DHX9: variants seen among roughly 807,000 people sequenced by gnomAD.
DHX9 encodes the protein ATP-dependent RNA helicase A.
DHX9 carries 27 observed loss-of-function variants against 148.7 expected under a neutral mutation model. The observed-to-expected ratio is 0.18, with a 90% CI of 0.13 to 0.25. DHX9 has a LOEUF of 0.25. DHX9 is among the 10% of genes least tolerant of loss of function. DHX9 has a pLI of 1.00. For synonymous variants in DHX9, 529 were observed against 516.6 expected (o/e 1.02, Z -0.33); for missense variants, 796 against 1,559.6 (o/e 0.51, Z 8.25).
chr1:182,870,264 A>G (rs1170690993), intron 14 of DHX9, among the ~76,000 whole-genome samples: 2 of 152,260 alleles, frequency 1.3e-5, no homozygotes, highest in Non-Finnish European at 2.9e-5. Context: ...TTTGAATGCA[A>G]TTCTAATTAA....
rs969290664 is a variant in DHX9 at position 182,881,265 on chromosome 1, G to A, written c.2626G>A (p.Val876Met). Residue 876 changes from valine to methionine, a missense_variant and splice_region_variant, in exon 23 of 28, where the codon GTG becomes ATG. Val to Met is a conservative substitution (Grantham distance 21). Around this residue, in one of 14 missense-constraint regions of DHX9, gnomAD observed 122 missense variants for 289.3 expected, o/e 0.42. Coordinates refer to ENST00000367549, the MANE Select transcript of DHX9 (RefSeq NM_001357.5). Reference protein sequence around the residue: ...KMMIMGCIFYVGDAICTIAAA... With the variant: ...KMMIMGCIFYMGDAICTIAAA... The stretch of plus-strand genomic sequence containing the variant: ...TTTAACTGTCTTTGTGTATTTCAGC[G>A]TGGGAGATGCTATCTGTACCATTGC... 9 of 1,611,606 alleles carry A rather than the reference G, an allele frequency of 5.6e-6. No individual in the cohort carries two copies. The highest frequency in any genetic ancestry group is 2.2e-5 in the East Asian group (1 of 44,874).
intron 6 of DHX9, among the ~76,000 whole-genome samples, chr1:182,855,112 C>T (rs1439108121): frequency 6.6e-6 from 1 of 152,198 alleles, no homozygotes; most frequent in Admixed American, 6.5e-5. Flanking sequence ...GTTCCCCCTT[C>T]CTCCCACTGT....
intron 20 of DHX9, among the ~76,000 whole-genome samples, chr1:182,878,638 C>T (rs911451778): frequency 2.6e-5 from 4 of 152,200 alleles, no homozygotes; most frequent in African/African-American, 9.7e-5. Context: ...TCAGATATCT[C>T]TTTTAAAACT....
At chr1:182,848,214 C>T (rs1438034764) in intron 3 of DHX9, among the ~76,000 whole-genome samples, 7 of 152,240 alleles carry the variant, frequency 4.6e-5, no homozygotes, top group African/African-American at 1.2e-4. Context: ...TTATTTTTCT[C>T]CGTAACACTT....
intron 27 of DHX9, among the ~76,000 whole-genome samples, chr1:182,886,807 T>TTGGAACTCA (rs1649351425): frequency 6.6e-6 from 1 of 152,234 alleles, no homozygotes; most frequent in Non-Finnish European, 1.5e-5. Context: ...GGAACACTTA[T>TTGGAACTCA]GTTATTGAAC....
Position 182,853,415 on chromosome 1 carries a change from A to G in DHX9, c.474A>G (p.Gln158=). ...CAAGAAAGGAAGAACAAGAAGTGCA[A>G]GCGGTAAGGCCAGCACCGTAGGTTA... ...YYSRKEEQEV[Q]ATLESEEVDL... The change falls in exon 5 of 28, where the codon CAA becomes CAG. Residue 158 remains glutamine, a synonymous_variant. Transcript: ENST00000367549. The G allele has an allele frequency of 1.9e-6, 3 of 1,612,628 alleles. No individual in the cohort carries two copies. Among genetic ancestry groups the G allele is most frequent in the South Asian group, 1.1e-5 (1 of 91,042 alleles).
chr1:182,843,519 T>A (rs1049384185), intron 3 of DHX9, 85 bp downstream of exon 3: 8 of 1,254,136 alleles, frequency 6.4e-6, no homozygotes, highest in African/African-American at 1.6e-5. Flanking sequence ...GATAGTAATT[T>A]TTCACTGTTT....
intron 12 of DHX9, among the ~76,000 whole-genome samples, chr1:182,862,608 C>G (rs975237763): frequency 1.3e-5 from 2 of 152,166 alleles, no homozygotes; most frequent in African/African-American, 4.8e-5. Context: ...GAGCCTGATA[C>G]ATTTTGTAGT....
chr1:182,881,891 AT>A (rs1299243141), intron 24 of DHX9, among the ~76,000 whole-genome samples: 28 of 152,234 alleles, frequency 1.8e-4, no homozygotes, highest in Middle Eastern at 3.2e-3. Flanking sequence ...ACCACATTAA[AT>A]TTTAAATGAC....
In DHX9 at chr1:182,858,100, A is replaced by G. The variant is rs143920457; in HGVS notation, c.674-4A>G. The G allele has an allele frequency of 5.0e-4, 798 of 1,610,336 alleles. 11 individuals carry two copies. In the East Asian group the frequency reaches 0.015, roughly 31 times the overall value. ...TGTCTGATAATCCTGACCTTACATT[A>G]TAGGGATTTTTGCACGAGAACATGG... On this transcript the variant is annotated splice_region_variant and splice_polypyrimidine_tract_variant and intron_variant, in intron 7 of 27. Transcript: ENST00000367549.
intron 13 of DHX9, 142 bp downstream of exon 13, chr1:182,866,727 C>T (rs1312116397): frequency 2.9e-5 from 32 of 1,117,146 alleles, no homozygotes; most frequent in Non-Finnish European, 3.4e-5. Flanking sequence ...CAGTTTTTTC[C>T]TTCATGGAAA....
At chr1:182,858,993 C>T in intron 10 of DHX9, 47 bp from the exon 11 acceptor site, 1 of 1,610,646 alleles carries the variant, frequency 6.2e-7, no homozygotes, top group Non-Finnish European at 8.5e-7. Context: ...TATTTTGAAG[C>T]TGAATTATGT....
intron 12 of DHX9, among the ~76,000 whole-genome samples, chr1:182,862,075 T>A (rs771202545): frequency 3.1e-5 from 4 of 130,850 alleles, no homozygotes; most frequent in African/African-American, 1.7e-4. Flanking sequence ...ATACTGTACT[T>A]CTTTTGGCAC....
intron 3 of DHX9, among the ~76,000 whole-genome samples, chr1:182,850,373 T>A (rs979598698): frequency 6.6e-6 from 1 of 151,876 alleles, no homozygotes; most frequent in Non-Finnish European, 1.5e-5. Context: ...GGCAGGAGGA[T>A]CTCTTGAGTC....
At chr1:182,884,864 T>G in intron 27 of DHX9, 51 bp downstream of exon 27, 1 of 1,576,414 alleles carries the variant, frequency 6.3e-7, no homozygotes, top group Non-Finnish European at 8.7e-7. Flanking sequence ...AGAGATCTTA[T>G]GTAGGCCTAG....
intron 3 of DHX9, among the ~76,000 whole-genome samples, chr1:182,846,839 C>T (rs951990192): frequency 1.3e-5 from 2 of 151,490 alleles, no homozygotes; most frequent in African/African-American, 2.4e-5. Context: ...TTTCTTCTTT[C>T]CTCTTGGTGT....
intron 8 of DHX9, 124 bp from the exon 9 acceptor site, chr1:182,858,427 T>C: frequency 9.2e-7 from 1 of 1,091,308 alleles, no homozygotes; most frequent in East Asian, 2.4e-5. Flanking sequence ...TTGAAGTAAT[T>C]CTCTCACAAA....
intron 3 of DHX9, among the ~76,000 whole-genome samples, chr1:182,849,725 G>T (rs1392021072): frequency 6.6e-6 from 1 of 152,088 alleles, no homozygotes; most frequent in Non-Finnish European, 1.5e-5. Context: ...AAAATTATGA[G>T]TGAAGTCAAA....
At chr1:182,877,806 A>T in intron 19 of DHX9, 1 of 543,300 alleles carries the variant, frequency 1.8e-6, no homozygotes, top group South Asian at 2.8e-5. Flanking sequence ...AGTTCAGCTG[A>T]TAAGTGGCAA....
Sources: allele counts gnomAD v4.1 joint callset (sites outside exome capture counted in the v4.1 genomes callset), GRCh38; gene constraint gnomAD v4.1.1; regional missense constraint gnomAD v4.1.1; transcripts MANE v1.5; gene names NCBI Gene and HGNC (gene_info 2026-07-23, HGNC 2026-07-21).